KIF7: variants seen among roughly 807,000 people sequenced by gnomAD.
KIF7 encodes kinesin-like protein KIF7.
Under a neutral mutation model 135.7 loss-of-function variants are expected in KIF7, and 104 were observed. The ratio of observed to expected loss-of-function variants is 0.77; its 90% CI spans 0.65 to 0.90. The LOEUF is 0.90. Ranked by LOEUF, KIF7 falls within the 40% of genes least tolerant of loss-of-function variation. KIF7 has a pLI of 0.00. For missense variants in KIF7, 2,005 were observed against 1,839.1 expected (o/e 1.09, Z -1.65); for synonymous variants, 883 against 809.4 (o/e 1.09, Z -1.54).
At chr15:89,643,351 T>A (rs1436989731) in intron 10 of KIF7, among the ~76,000 whole-genome samples, 1 of 152,232 alleles carries the variant, frequency 6.6e-6, no homozygotes, top group African/African-American at 2.4e-5. Context: ...CTAGAGATGA[T>A]TTAAAGTGAT....
intron 2 of KIF7, 105 bp from the exon 3 acceptor site, chr15:89,650,046 T>A: frequency 8.3e-7 from 1 of 1,210,170 alleles, no homozygotes; most frequent in Non-Finnish European, 1.2e-6. Flanking sequence ...GATGGTGCTC[T>A]AGGATGGAGA....
chr15:89,625,009 G>C (rs779413419), downstream of KIF7: 1 of 1,614,096 alleles, frequency 6.2e-7, no homozygotes, highest in South Asian at 1.1e-5. Context: ...GGAGATGCAA[G>C]CTTCTGGCCT....
Position 89,645,128 on chromosome 15 carries a change from C to T in KIF7, c.2076G>A (p.Gln692=). 6.2e-7 allele frequency: 1 copy of T among 1,604,914 alleles called. No individual in the cohort carries two copies. The highest frequency in any genetic ancestry group is 1.1e-5 in the South Asian group (1 of 91,084). The part of the protein sequence containing the change: ...GGSKARVQAR[Q]VPPATASEWR... Reference sequence around the variant, plus strand: ...ACTCTGAGGCTGTGGCAGGGGGGACCTGGCGGGCCTGAACTCGGGCCTTGC... The same window carrying T: ...ACTCTGAGGCTGTGGCAGGGGGGACTTGGCGGGCCTGAACTCGGGCCTTGC... Residue 692 remains glutamine (Q), a synonymous_variant, in exon 10 of 19, where the codon CAG becomes CAA. Transcript: ENST00000394412.
chr15:89,642,145 T>C, intron 11 of KIF7, 58 bp downstream of exon 11: 1 of 1,556,514 alleles, frequency 6.4e-7, no homozygotes, highest in Non-Finnish European at 8.8e-7. Context: ...GTCCCAAGGA[T>C]GGCAGCCTAG....
chr15:89,648,123 G>A (rs1356423535), intron 5 of KIF7, 132 bp downstream of exon 5: 1 of 1,364,248 alleles, frequency 7.3e-7, no homozygotes, highest in Non-Finnish European at 9.5e-7. Flanking sequence ...ATCAGCAGAA[G>A]TGACCGAATC....
intron 14 of KIF7, among the ~76,000 whole-genome samples, chr15:89,632,414 G>A (rs761314560): frequency 4.0e-4 from 61 of 152,142 alleles, no homozygotes; most frequent in African/African-American, 1.4e-3. Flanking sequence ...CTATACCTGC[G>A]CCTCCTCATT....
chr15:89,647,081 A>G, intron 6 of KIF7, 24 bp from the exon 7 acceptor site: 1 of 1,552,696 alleles, frequency 6.4e-7, no homozygotes, highest in African/African-American at 1.4e-5. Flanking sequence ...TCCAGGTGCC[A>G]AGGGGGCATG....
At chr15:89,632,651 G>A (rs559550548) in intron 14 of KIF7, among the ~76,000 whole-genome samples, 169 bp downstream of exon 14, 2 of 152,130 alleles carry the variant, frequency 1.3e-5, no homozygotes, top group Admixed American at 6.5e-5. Context: ...TCTAGACCTC[G>A]CCTGGCAGGG....
chr15:89,632,550 A>C (rs542976147), intron 14 of KIF7, among the ~76,000 whole-genome samples: 1 of 152,268 alleles, frequency 6.6e-6, no homozygotes, highest in South Asian at 2.1e-4. Flanking sequence ...CCTACAGCTC[A>C]TGGGGATGCA....
rs750064265 is a variant in KIF7 at position 89,633,207 on chromosome 15, G to C, written c.2652C>G (p.Ile884Met). 3.8e-6 allele frequency: 6 copies of C among 1,599,384 alleles called. No homozygotes were observed. The highest frequency in any genetic ancestry group is 5.1e-6 in the Non-Finnish European group (6 of 1,175,722). Residue 884 changes from isoleucine (I) to methionine (M), a missense_variant, in exon 13 of 19, where the codon ATC becomes ATG. Transcript: ENST00000394412. ...QKILKIKTEEIAAFQRKRRSG... is the reference protein window; with the variant it reads ...QKILKIKTEEMAAFQRKRRSG... ...TGCGCCTCTTCCTCTGGAATGCCGC[G>C]ATCTCTTCCGTCTTAATCTTCAGGA...
chr15:89,633,836 C>T lies in KIF7; in HGVS notation c.2442G>A (p.Ser814=), dbSNP rs773559812. ...KQATERLVSL[S]AQSEKRLQEL... is the part of the protein sequence containing the mutation. ...CCTGCAGTCGCTTCTCACTCTGGGC[C>T]GACAGTGACACCAGCCGCTCCGTAG... The change falls in exon 12 of 19, where the codon TCG becomes TCA. Residue 814 remains serine (S), a synonymous_variant. Transcript: ENST00000394412. 24 of 1,613,436 alleles carry T rather than the reference C, an allele frequency of 1.5e-5. No homozygotes were observed. Among genetic ancestry groups the T allele is most frequent in the Admixed American group, 1.2e-4 (7 of 60,012 alleles).
intron 2 of KIF7, among the ~76,000 whole-genome samples, chr15:89,651,388 A>G (rs1476613506): frequency 5.3e-5 from 8 of 151,802 alleles, no homozygotes; most frequent in Admixed American, 5.2e-4. Flanking sequence ...GTGAGCCACC[A>G]CGCCCGGCTC....
At position 89,647,629 on chromosome 15, in the gene KIF7, C is replaced by A; in HGVS notation, c.1527G>T (p.Ala509=). Residue 509 remains alanine (A), a synonymous_variant, in exon 6 of 19, where the codon GCG becomes GCT. Transcript: ENST00000394412. ...TGTACTGCTCCATGGCGTCCTCCAGCGCAGCCAGAAAGTCTCGGTTCTCCT... is the reference window on the plus strand; with the variant it reads ...TGTACTGCTCCATGGCGTCCTCCAGAGCAGCCAGAAAGTCTCGGTTCTCCT... The part of the protein sequence containing the change: ...LEEENRDFLA[A]LEDAMEQYKL... The A allele has an allele frequency of 6.2e-7, 1 of 1,612,020 alleles. No homozygotes were observed. Among genetic ancestry groups the A allele is most frequent in the South Asian group, 1.1e-5 (1 of 91,070 alleles).
intron 1 of KIF7, chr15:89,621,272 C>T (rs936831133): frequency 3.5e-5 from 33 of 954,386 alleles, no homozygotes; most frequent in Admixed American, 1.9e-4. Context: ...CCACCTGTCT[C>T]GGCCTCCCAA....
At chr15:89,643,694 G>A (rs561925526) in intron 10 of KIF7, among the ~76,000 whole-genome samples, 2 of 152,292 alleles carry the variant, frequency 1.3e-5, no homozygotes, top group African/African-American at 4.8e-5. Context: ...AGACCATCCT[G>A]GCCAACATGG....
At chr15:89,619,910 A>G (rs546706968) in intron 1 of KIF7, 6 of 1,532,582 alleles carry the variant, frequency 3.9e-6, no homozygotes, top group Non-Finnish European at 5.3e-6. Context: ...TTGGGAAAAG[A>G]AGCAAGAAAT....
chr15:89,635,954 A>G (rs1963797929), intron 11 of KIF7, among the ~76,000 whole-genome samples: 1 of 152,138 alleles, frequency 6.6e-6, no homozygotes, highest in Non-Finnish European at 1.5e-5. Flanking sequence ...CACAAAGGGA[A>G]GCCCATCAGA....
Position 89,631,518 on chromosome 15 carries a change from GC to G in KIF7, c.3087del (p.Arg1029SerfsTer54), listed in dbSNP as rs2141997952. 1.3e-6 allele frequency: 2 copies of G among 1,580,802 alleles called. No homozygotes were observed. Among genetic ancestry groups the G allele is most frequent in the South Asian group, 2.3e-5 (2 of 86,700 alleles). ...ACCTCGGGGGACAGCAGACTCCCCT[GC>G]CTCAGCTTGCCGTCGATCTCCAGGC... The part of the protein sequence containing the change: ...KQRLEIDGKL[R>X]QGSLLSPEEE... On this transcript the variant is annotated frameshift_variant, in exon 15 of 19. Coordinates refer to ENST00000394412, the MANE Select transcript of KIF7 (RefSeq NM_198525.3). LOFTEE classifies it high-confidence loss of function.
Position 89,647,588 on chromosome 15 carries a change from C to A in KIF7, c.1560+8G>T. 6.2e-7 allele frequency: 1 copy of A among 1,608,774 alleles called. No individual in the cohort carries two copies. The highest frequency in any genetic ancestry group is 8.5e-7 in the Non-Finnish European group (1 of 1,177,800). ...AGCCTTCCCCGCACTGTGAAGCGGG[C>A]GCCGCACCTGCAGTTTGTACTGCTC... On this transcript the variant is annotated splice_region_variant and intron_variant, in intron 6 of 18. Coordinates refer to ENST00000394412, the MANE Select transcript of KIF7 (RefSeq NM_198525.3).
Sources: gnomAD v4.1 joint callset for allele counts (sites outside exome capture counted in the v4.1 genomes callset) on GRCh38, gnomAD v4.1.1 for gene constraint, MANE v1.5 for transcripts, NCBI Gene and HGNC (gene_info 2026-07-23, HGNC 2026-07-21) for gene names.